The following DAB1 variants were observed in gnomAD, a reference collection of about 807,000 sequenced individuals.
DAB1 encodes DAB adaptor protein 1, also known as disabled homolog 1.
A neutral mutation model predicts 64.6 loss-of-function variants in DAB1; 15 were observed. The observed-to-expected ratio is 0.23, with a 90% confidence interval of 0.16 to 0.36. The LOEUF (loss-of-function observed/expected upper bound fraction) is 0.36. Ranked by LOEUF, DAB1 falls within the 10% of genes least tolerant of loss-of-function variation. DAB1 has a pLI of 1.00. For missense variants in DAB1, 596 were observed against 706.7 expected (o/e 0.84, Z 1.78); for synonymous variants, 235 against 251.9 (o/e 0.93, Z 0.64).
intron 7 of DAB1, among the ~76,000 whole-genome samples, chr1:57,443,640 C>T (rs796423424): frequency 4.3e-4 from 66 of 152,308 alleles, no homozygotes; most frequent in African/African-American, 1.5e-3. Context: ...TATGAGCACA[C>T]TTGTTAAATG....
At chr1:57,762,075 G>A (rs1221309845) in intron 6 of DAB1, among the ~76,000 whole-genome samples, 1 of 151,978 alleles carries the variant, frequency 6.6e-6, no homozygotes, top group Non-Finnish European at 1.5e-5. Context: ...TTGGTTCCCT[G>A]GACTTTCAAT....
intron 1 of DAB1, among the ~76,000 whole-genome samples, chr1:57,369,809 G>T (rs190622935): frequency 4.1e-4 from 62 of 152,166 alleles, no homozygotes; most frequent in Middle Eastern, 6.8e-3. Context: ...CTCAAGAAAG[G>T]GTATATATGA....
At chr1:57,879,664 G>T (rs1428909121) in intron 1 of DAB1, among the ~76,000 whole-genome samples, 1 of 152,132 alleles carries the variant, frequency 6.6e-6, no homozygotes, top group Non-Finnish European at 1.5e-5. Context: ...TTATGTGGGT[G>T]TGGGCTTATG....
At chr1:57,727,821 C>T (rs1417240732) in intron 6 of DAB1, among the ~76,000 whole-genome samples, 1 of 151,446 alleles carries the variant, frequency 6.6e-6, no homozygotes. Flanking sequence ...GAAAATCCTG[C>T]TTAATTCCTA....
At chr1:58,376,493 G>A (rs1644327953) in intron 3 of DAB1, among the ~76,000 whole-genome samples, 2 of 142,480 alleles carry the variant, frequency 1.4e-5, no homozygotes, top group South Asian at 4.4e-4. Context: ...GTGGCTCTGA[G>A]TGAGATTCTT....
At chr1:57,498,637 G>A (rs1644256130) in intron 7 of DAB1, among the ~76,000 whole-genome samples, 1 of 152,192 alleles carries the variant, frequency 6.6e-6, no homozygotes, top group African/African-American at 2.4e-5. Context: ...CAAGTGGAAT[G>A]ATGCAATCAG....
intron 5 of DAB1, among the ~76,000 whole-genome samples, chr1:58,076,767 AAAGGCAGTGACACCAAGGGCTCTG>A (rs1370194055): frequency 6.6e-6 from 1 of 152,220 alleles, no homozygotes; most frequent in Non-Finnish European, 1.5e-5. Context: ...GCTGCCCTCA[AAAGGCAGTGACACCAAGGGCTCTG>A]AAGGCAGTGA....
intron 7 of DAB1, among the ~76,000 whole-genome samples, chr1:57,628,272 G>A (rs1645947084): frequency 6.6e-6 from 1 of 152,230 alleles, no homozygotes; most frequent in Non-Finnish European, 1.5e-5. Flanking sequence ...CATTTATAAA[G>A]TGTAATATGC....
chr1:57,538,373 A>T (rs1644756000), intron 7 of DAB1, among the ~76,000 whole-genome samples: 1 of 152,126 alleles, frequency 6.6e-6, no homozygotes, highest in African/African-American at 2.4e-5. Flanking sequence ...TCCTCATCAC[A>T]TCCTGTAAGG....
At chr1:57,457,041 C>T (rs1245183901) in intron 7 of DAB1, among the ~76,000 whole-genome samples, 5 of 152,074 alleles carry the variant, frequency 3.3e-5, no homozygotes, top group Admixed American at 6.6e-5. Flanking sequence ...ATGAATTCTG[C>T]GAGGCCCCAT....
At chr1:58,386,643 A>G (rs1474110283) in intron 3 of DAB1, among the ~76,000 whole-genome samples, 1 of 152,146 alleles carries the variant, frequency 6.6e-6, no homozygotes, top group East Asian at 1.9e-4. Flanking sequence ...AACTCTTTGA[A>G]CCTCAGTTTC....
chr1:57,968,636 G>A (rs768631433), intron 5 of DAB1, among the ~76,000 whole-genome samples: 4 of 152,108 alleles, frequency 2.6e-5, no homozygotes, highest in East Asian at 1.9e-4. Context: ...TTTTTTGTGC[G>A]TGTTCTTTAA....
Position 58,279,975 on chromosome 1 carries a change from G to A in DAB1, n.309+63377C>T, listed in dbSNP as rs77106890. 4.9e-3 allele frequency among the ~76,000 whole-genome samples: 739 copies of A among 152,140 alleles called. 1 individual carries two copies. The highest frequency in any genetic ancestry group is 8.8e-3 in the African/African-American group (364 of 41,510). On this transcript the variant is annotated intron_variant and non_coding_transcript_variant, in intron 4 of 20. Coordinates refer to the DAB1 transcript ENST00000485760. ...ATGCATTTATATTGGCCTCATCAAC[G>A]GGATGACTCCAAGTGATCAGGCCTA...
intron 6 of DAB1, among the ~76,000 whole-genome samples, chr1:57,780,914 G>A (rs1650037366): frequency 6.6e-6 from 1 of 151,246 alleles, no homozygotes; most frequent in African/African-American, 2.4e-5. Flanking sequence ...TTTTAGTAGA[G>A]ACAGGATTTT....
intron 4 of DAB1, among the ~76,000 whole-genome samples, chr1:58,299,115 A>G (rs1420895135): frequency 6.6e-6 from 1 of 152,158 alleles, no homozygotes; most frequent in Non-Finnish European, 1.5e-5. Context: ...ACTACTGATA[A>G]AGGAACTTTT....
chr1:57,564,685 G>A (rs1645095737), intron 7 of DAB1, among the ~76,000 whole-genome samples: 1 of 152,206 alleles, frequency 6.6e-6, no homozygotes, highest in African/African-American at 2.4e-5. Context: ...GGGTATCAGT[G>A]ATTGAAGATC....
At chr1:57,589,424 T>C (rs1256487589) in intron 7 of DAB1, among the ~76,000 whole-genome samples, 2 of 152,072 alleles carry the variant, frequency 1.3e-5, no homozygotes, top group Admixed American at 6.5e-5. Flanking sequence ...ATATTTGATA[T>C]ATAAAGAGCT....
intron 5 of DAB1, among the ~76,000 whole-genome samples, chr1:57,993,207 G>A (rs142356337): frequency 9.9e-5 from 15 of 152,150 alleles, no homozygotes; most frequent in South Asian, 4.2e-4. Context: ...CTAGGGTCAC[G>A]GAATGCATGG....
chr1:58,483,154 C>T (rs1250852946), intron 3 of DAB1, among the ~76,000 whole-genome samples: 1 of 152,296 alleles, frequency 6.6e-6, no homozygotes, highest in African/African-American at 2.4e-5. Context: ...TTGCCACTAG[C>T]CTGCCATCTG....
Sources: gnomAD v4.1 joint callset for allele counts (sites outside exome capture counted in the v4.1 genomes callset) on GRCh38, gnomAD v4.1.1 for gene constraint, MANE v1.5 for transcripts, NCBI Gene and HGNC (gene_info 2026-07-23, HGNC 2026-07-21) for gene names.